The following HTR7 variants were observed in gnomAD, a reference collection of about 807,000 sequenced individuals.
The protein encoded by HTR7 is 5-hydroxytryptamine receptor 7, also known as 5-HT-7.
A neutral mutation model predicts 34.0 loss-of-function variants in HTR7; 16 were observed. That is an observed-to-expected ratio of 0.47 (90% CI 0.32 to 0.71). The LOEUF (loss-of-function observed/expected upper bound fraction) is 0.71, where lower values mean the gene tolerates loss of function less well. HTR7 is among the 30% of genes least tolerant of loss of function. The pLI is 0.04. For missense variants in HTR7, 504 were observed against 625.5 expected (o/e 0.81, Z 2.07); for synonymous variants, 265 against 260.2 (o/e 1.02, Z -0.18).
intron 1 of HTR7, among the ~76,000 whole-genome samples, chr10:90,809,891 G>A (rs1328460110): frequency 6.6e-6 from 1 of 152,222 alleles, no homozygotes. Flanking sequence ...CTTAGCGGCT[G>A]AAGACTGACA....
At chr10:90,786,908 G>A (rs767304295) in intron 1 of HTR7, among the ~76,000 whole-genome samples, 9 of 152,292 alleles carry the variant, frequency 5.9e-5, no homozygotes, top group Non-Finnish European at 1.2e-4. Context: ...GGCACAATAC[G>A]TGGGAAAAAA....
chr10:90,744,801 A>G (rs930482958), intron 2 of HTR7, among the ~76,000 whole-genome samples: 1 of 152,200 alleles, frequency 6.6e-6, no homozygotes, highest in African/African-American at 2.4e-5. Context: ...GAGCTAGCAT[A>G]GAAGAGCCTT....
chr10:90,777,385 G>A lies in HTR7; in HGVS notation c.540-27791C>T, dbSNP rs773052590. ...AATCCCAGCTACTAAGGATGCTGAG[G>A]CAGGAGAATTGCTTGAACCTGGGAG... On this transcript the variant is annotated intron_variant, in intron 1 of 3. Coordinates refer to ENST00000336152, the MANE Select transcript of HTR7 (RefSeq NM_019859.4). 2.6e-4 allele frequency among the ~76,000 whole-genome samples: 40 copies of A among 151,756 alleles called. 1 individual carries two copies. The highest frequency in any genetic ancestry group is 1.7e-3 in the South Asian group (8 of 4,800).
intron 1 of HTR7, among the ~76,000 whole-genome samples, chr10:90,814,606 T>C (rs1048157894): frequency 6.6e-6 from 1 of 152,042 alleles, no homozygotes; most frequent in Non-Finnish European, 1.5e-5. Flanking sequence ...AAAACAATGA[T>C]AGAAAAACAA....
chr10:90,856,369 C>T (rs2120142021), intron 1 of HTR7, among the ~76,000 whole-genome samples: 1 of 152,290 alleles, frequency 6.6e-6, no homozygotes, highest in Admixed American at 6.5e-5. Context: ...CCTGAAGAAA[C>T]CCTGTGGGTC....
At chr10:90,752,266 A>G (rs1453790437) in intron 1 of HTR7, among the ~76,000 whole-genome samples, 2 of 152,224 alleles carry the variant, frequency 1.3e-5, no homozygotes, top group Admixed American at 1.3e-4. Context: ...TTTTGTTTTA[A>G]CCATTAACAA....
At chr10:90,802,697 T>C (rs1179772736) in intron 1 of HTR7, among the ~76,000 whole-genome samples, 1 of 152,250 alleles carries the variant, frequency 6.6e-6, no homozygotes, top group East Asian at 1.9e-4. Flanking sequence ...TAAAATCCCT[T>C]GTACACTCAA....
At chr10:90,763,229 G>A (rs2119729172) in intron 1 of HTR7, among the ~76,000 whole-genome samples, 1 of 152,230 alleles carries the variant, frequency 6.6e-6, no homozygotes. Flanking sequence ...TGGATTTTAT[G>A]GGCATTTTAA....
In HTR7 at chr10:90,796,912, T is replaced by C. The variant is rs1470208719; in HGVS notation, c.540-47318A>G. On this transcript the variant is annotated intron_variant, in intron 1 of 3. Transcript: ENST00000336152. ...CTGTAGTCCCAGTTACTCGGGAGGC[T>C]GAGGCAGGAGAATGGCGTAAACCTG... Among the ~76,000 whole-genome samples, 4 of 151,216 alleles carry C rather than the reference T, an allele frequency of 2.6e-5. No homozygotes were observed. In the East Asian group the frequency reaches 7.8e-4, roughly 30 times the overall value.
At chr10:90,813,362 A>C (rs1845848081) in intron 1 of HTR7, among the ~76,000 whole-genome samples, 1 of 152,078 alleles carries the variant, frequency 6.6e-6, no homozygotes, top group Non-Finnish European at 1.5e-5. Context: ...TCTCTACCAA[A>C]AATATAAAAA....
intron 1 of HTR7, among the ~76,000 whole-genome samples, chr10:90,788,525 C>T (rs1221124801): frequency 6.6e-6 from 1 of 152,152 alleles, no homozygotes; most frequent in African/African-American, 2.4e-5. Context: ...AGATATAAAG[C>T]TTAAAAGAAA....
chr10:90,800,420 G>C (rs1431450592), intron 1 of HTR7, among the ~76,000 whole-genome samples: 1 of 152,058 alleles, frequency 6.6e-6, no homozygotes, highest in African/African-American at 2.4e-5. Context: ...AGTGACAAGG[G>C]ATAGATTAGC....
chr10:90,754,390 GAAAGAAAA>G (rs1037832786), intron 1 of HTR7, among the ~76,000 whole-genome samples: 1 of 149,466 alleles, frequency 6.7e-6, no homozygotes, highest in Non-Finnish European at 1.5e-5. Flanking sequence ...TCAAGGGTGA[GAAAGAAAA>G]AAAGAAAAAA....
At chr10:90,747,135 T>C (rs1256689272) in intron 2 of HTR7, among the ~76,000 whole-genome samples, 1 of 152,230 alleles carries the variant, frequency 6.6e-6, no homozygotes. Flanking sequence ...CCTTAAGTTG[T>C]TCTTCTGAAA....
At chr10:90,839,066 T>C (rs11599902) in intron 1 of HTR7, among the ~76,000 whole-genome samples, 57,610 of 152,110 alleles carry the variant, frequency 0.38, 11,990 homozygotes, top group African/African-American at 0.56. Context: ...AGATAAATCC[T>C]GTATAACTCA....
intron 1 of HTR7, among the ~76,000 whole-genome samples, chr10:90,774,291 C>G (rs890563813): frequency 6.6e-6 from 1 of 152,148 alleles, no homozygotes; most frequent in Non-Finnish European, 1.5e-5. Flanking sequence ...ACTTTTTCCA[C>G]TTTTCTGTTA....
At chr10:90,815,659 G>A (rs2119987095) in intron 1 of HTR7, among the ~76,000 whole-genome samples, 1 of 152,156 alleles carries the variant, frequency 6.6e-6, no homozygotes, top group East Asian at 1.9e-4. Context: ...TGTGCAACTG[G>A]CCATCATGGC....
intron 1 of HTR7, among the ~76,000 whole-genome samples, chr10:90,841,587 T>C (rs1200728016): frequency 6.6e-6 from 1 of 152,178 alleles, no homozygotes; most frequent in Non-Finnish European, 1.5e-5. Flanking sequence ...AGACTATAAA[T>C]TTATATTCTA....
At chr10:90,812,517 C>T (rs1271980741) in intron 1 of HTR7, among the ~76,000 whole-genome samples, 1 of 147,460 alleles carries the variant, frequency 6.8e-6, no homozygotes. Context: ...TTCTCCTTCT[C>T]TTATTCCATT....
Sources: gnomAD v4.1 joint callset for allele counts (sites outside exome capture counted in the v4.1 genomes callset) on GRCh38, gnomAD v4.1.1 for gene constraint, MANE v1.5 for transcripts, NCBI Gene and HGNC (gene_info 2026-07-23, HGNC 2026-07-21) for gene names.